KANSL1L: variants seen among roughly 807,000 people sequenced by gnomAD.
KANSL1L encodes KAT8 regulatory NSL complex subunit 1-like protein.
Under a neutral mutation model 108.6 loss-of-function variants are expected in KANSL1L, and 25 were observed. That is an observed-to-expected ratio of 0.23 (90% CI 0.17 to 0.32). The LOEUF (loss-of-function observed/expected upper bound fraction) is 0.32, where lower values mean the gene tolerates loss of function less well. Among genes scored for constraint, KANSL1L ranks in the 10% least tolerant of loss-of-function variants. The pLI is 1.00. For missense variants in KANSL1L, 1,137 were observed against 1,125.7 expected (o/e 1.01, Z -0.14); for synonymous variants, 405 against 395.1 (o/e 1.03, Z -0.30).
At chr2:210,073,247 G>A (rs2094519719) in intron 6 of KANSL1L, among the ~76,000 whole-genome samples, 1 of 151,952 alleles carries the variant, frequency 6.6e-6, no homozygotes, top group South Asian at 2.1e-4. Flanking sequence ...AGAAATCCCC[G>A]ATTCCTTTTA....
At chr2:210,108,014 C>T (rs576396179) in intron 3 of KANSL1L, among the ~76,000 whole-genome samples, 1 of 152,168 alleles carries the variant, frequency 6.6e-6, no homozygotes, top group East Asian at 1.9e-4. Flanking sequence ...ATTTTTTTTA[C>T]ATTTAAAATA....
At chr2:210,024,237 A>G (rs1211749631) in intron 13 of KANSL1L, 36 bp from the exon 14 acceptor site, 2 of 1,500,668 alleles carry the variant, frequency 1.3e-6, no homozygotes, top group Admixed American at 2.2e-5. Flanking sequence ...ATTATTTTTT[A>G]TTTTTTGAGG....
intron 1 of KANSL1L, among the ~76,000 whole-genome samples, chr2:210,159,464 C>A (rs1327435074): frequency 6.6e-6 from 1 of 152,130 alleles, no homozygotes; most frequent in East Asian, 1.9e-4. Context: ...ACTATTGCCA[C>A]CTGACATTAT....
At chr2:210,103,080 A>G (rs980984556) in intron 4 of KANSL1L, among the ~76,000 whole-genome samples, 2 of 152,222 alleles carry the variant, frequency 1.3e-5, no homozygotes, top group African/African-American at 2.4e-5. Flanking sequence ...ATGTCCATCA[A>G]TGATAGACTG....
At chr2:210,126,169 T>C (rs2095063784) in intron 3 of KANSL1L, among the ~76,000 whole-genome samples, 2 of 152,032 alleles carry the variant, frequency 1.3e-5, no homozygotes, top group South Asian at 4.1e-4. Context: ...ACACCAACAA[T>C]GAACAATCTG....
intron 8 of KANSL1L, among the ~76,000 whole-genome samples, chr2:210,033,945 G>C (rs965220024): frequency 6.6e-6 from 1 of 152,038 alleles, no homozygotes; most frequent in Non-Finnish European, 1.5e-5. Flanking sequence ...GAAACCGTAG[G>C]AAATGTATGA....
At chr2:210,119,178 G>A (rs961552968) in intron 3 of KANSL1L, among the ~76,000 whole-genome samples, 4 of 150,520 alleles carry the variant, frequency 2.7e-5, no homozygotes, top group African/African-American at 4.9e-5. Flanking sequence ...GCGAGGCTCC[G>A]TCTCGAAAAA....
Position 210,031,534 on chromosome 2 carries a change from A to G in KANSL1L, c.2042T>C (p.Leu681Pro). ...TGAATATCCATTTCTCCATTGATTC[A>G]GAGTACTATGTACTAAAACAAATGA... The part of the protein sequence containing the change: ...IISPSPVHST[L>P]NQWRNGYSPI... Residue 681 changes from leucine (L) to proline (P), a missense_variant, in exon 9 of 15, where the codon CTG becomes CCG. Around this residue, in one of 3 missense-constraint regions of KANSL1L, gnomAD observed 575 missense variants for 567.1 expected, o/e 1.01. Coordinates refer to ENST00000281772, the MANE Select transcript of KANSL1L (RefSeq NM_152519.4). 1 of 1,546,098 alleles carries G rather than the reference A, an allele frequency of 6.5e-7. No individual in the cohort carries two copies. Among genetic ancestry groups the G allele is most frequent in the Non-Finnish European group, 8.9e-7 (1 of 1,125,534 alleles).
chr2:210,059,333 A>G (rs945447836), intron 6 of KANSL1L, among the ~76,000 whole-genome samples: 22 of 152,134 alleles, frequency 1.4e-4, no homozygotes, highest in Admixed American at 6.5e-5. Context: ...AGTGAGTCCC[A>G]CTTCCGCCAG....
Position 210,153,893 on chromosome 2 carries a change from T to C in KANSL1L, c.690A>G (p.Lys230=). ...VHARLLHCVS[K]QKILLSQARR... is the part of the protein sequence containing the mutation. ...TAGCCTGGCTAAGTAAAATTTTCTG[T>C]TTGCTTACACAATGAAGTAAACGAG... The change falls in exon 2 of 15, where the codon AAA becomes AAG. Residue 230 remains lysine, a synonymous_variant. Transcript: ENST00000281772. 6.2e-7 allele frequency: 1 copy of C among 1,612,160 alleles called. No homozygotes were observed. Among genetic ancestry groups the C allele is most frequent in the South Asian group, 1.1e-5 (1 of 90,582 alleles).
At chr2:210,098,406 T>C (rs1360081344) in intron 4 of KANSL1L, among the ~76,000 whole-genome samples, 199 bp from the exon 5 acceptor site, 2 of 152,220 alleles carry the variant, frequency 1.3e-5, no homozygotes, top group Non-Finnish European at 2.9e-5. Flanking sequence ...GTACCCATTC[T>C]TTTCCATATC....
intron 2 of KANSL1L, among the ~76,000 whole-genome samples, chr2:210,135,999 A>G (rs1043215568): frequency 2.0e-5 from 3 of 152,190 alleles, no homozygotes; most frequent in Admixed American, 6.6e-5. Context: ...AAACAAAAAA[A>G]TAAATATACA....
intron 6 of KANSL1L, among the ~76,000 whole-genome samples, chr2:210,066,446 T>C (rs541657788): frequency 6.6e-6 from 1 of 152,388 alleles, no homozygotes; most frequent in Admixed American, 6.5e-5. Flanking sequence ...ACTCTGAATG[T>C]GCAGCATGGG....
chr2:210,062,861 T>C (rs1458843554), intron 6 of KANSL1L, among the ~76,000 whole-genome samples: 2 of 152,148 alleles, frequency 1.3e-5, no homozygotes, highest in Non-Finnish European at 2.9e-5. Flanking sequence ...GACGATACAA[T>C]AGAAAAATCC....
chr2:210,162,222 G>GTATATATATAGATATA (rs2095365287), intron 1 of KANSL1L, among the ~76,000 whole-genome samples: 1 of 107,474 alleles, frequency 9.3e-6, no homozygotes, highest in Non-Finnish European at 1.9e-5. Context: ...AGTGGTTCAG[G>GTATATATATAGATATA]TATATATATA....
intron 5 of KANSL1L, among the ~76,000 whole-genome samples, chr2:210,092,250 A>G (rs953352124): frequency 1.3e-5 from 2 of 152,146 alleles, no homozygotes; most frequent in South Asian, 2.1e-4. Flanking sequence ...TATTGCTTCT[A>G]TTTCTTTCTA....
chr2:210,079,660 ATATATG>A (rs2094572046), intron 5 of KANSL1L: 9 of 14,292 alleles, frequency 6.3e-4, no homozygotes, highest in African/African-American at 1.1e-3. Flanking sequence ...ATATATATAT[ATATATG>A]TATGTGTGTA....
chr2:210,091,700 T>A (rs1263792272), intron 5 of KANSL1L, among the ~76,000 whole-genome samples: 1 of 152,214 alleles, frequency 6.6e-6, no homozygotes, highest in Non-Finnish European at 1.5e-5. Flanking sequence ...GTTATAGACT[T>A]TTTTTAGCCC....
chr2:210,104,655 G>T (rs2094828848), intron 3 of KANSL1L, among the ~76,000 whole-genome samples: 1 of 152,056 alleles, frequency 6.6e-6, no homozygotes, highest in Admixed American at 6.6e-5. Context: ...TTTCCTGATA[G>T]AATCTCCTGA....
Sources: gnomAD v4.1 joint callset for allele counts (sites outside exome capture counted in the v4.1 genomes callset) on GRCh38, gnomAD v4.1.1 for gene constraint, gnomAD v4.1.1 regional missense constraint, MANE v1.5 for transcripts, NCBI Gene and HGNC (gene_info 2026-07-23, HGNC 2026-07-21) for gene names.